Variants in SLC35F3 observed in about 807,000 individuals in gnomAD.
The protein encoded by SLC35F3 is solute carrier family 35 member F3.
Under a neutral mutation model 49.9 loss-of-function variants are expected in SLC35F3, and 25 were observed. That is an observed-to-expected ratio of 0.50 (90% CI 0.37 to 0.70). SLC35F3 has a LOEUF of 0.70. Ranked by LOEUF, SLC35F3 falls within the 30% of genes least tolerant of loss-of-function variation. The probability of loss-of-function intolerance (pLI) is 0.00; values close to 1 mark genes in which losing one functional copy is unlikely to be tolerated. For missense variants in SLC35F3, 525 were observed against 639.8 expected, an observed-to-expected ratio of 0.82 and a Z score of 1.94; for synonymous variants, 275 against 265.4, an observed-to-expected ratio of 1.04 and a Z score of -0.35.
At chr1:234,254,373 A>G (rs1314390553) in intron 3 of SLC35F3, among the ~76,000 whole-genome samples, 1 of 152,228 alleles carries the variant, frequency 6.6e-6, no homozygotes, top group Non-Finnish European at 1.5e-5. Flanking sequence ...TCTTCTTTCC[A>G]GAGGTCACCA....
At chr1:233,913,352 C>T (rs947800059) in intron 2 of SLC35F3, among the ~76,000 whole-genome samples, 1 of 152,206 alleles carries the variant, frequency 6.6e-6, no homozygotes, top group African/African-American at 2.4e-5. Flanking sequence ...CTTCCTCATC[C>T]AGGTCCCAGC....
intron 2 of SLC35F3, among the ~76,000 whole-genome samples, chr1:233,958,495 A>G (rs570706931): frequency 1.3e-5 from 2 of 152,360 alleles, no homozygotes; most frequent in South Asian, 4.1e-4. Context: ...GGTGATCACC[A>G]TAAGGATTTT....
chr1:234,106,292 T>C (rs1299886150), intron 2 of SLC35F3, among the ~76,000 whole-genome samples: 2 of 152,220 alleles, frequency 1.3e-5, no homozygotes, highest in East Asian at 3.8e-4. Context: ...CTGGGAAGGA[T>C]TTCTTCCATG....
intron 2 of SLC35F3, among the ~76,000 whole-genome samples, chr1:234,076,293 A>G (rs1348458387): frequency 6.6e-6 from 1 of 150,694 alleles, no homozygotes; most frequent in African/African-American, 2.4e-5. Flanking sequence ...CCCAGAAAGC[A>G]TATTTTAAAA....
chr1:233,920,737 C>G (rs370785426), intron 2 of SLC35F3, among the ~76,000 whole-genome samples: 1 of 152,210 alleles, frequency 6.6e-6, no homozygotes, highest in Admixed American at 6.5e-5. Flanking sequence ...CAGAACTTCT[C>G]TCACCCTCTT....
intron 3 of SLC35F3, among the ~76,000 whole-genome samples, chr1:234,275,665 A>G (rs1042457976): frequency 5.3e-5 from 8 of 151,934 alleles, no homozygotes; most frequent in Admixed American, 6.6e-5. Flanking sequence ...CACATCACTC[A>G]GGTCCTGACC....
intron 3 of SLC35F3, among the ~76,000 whole-genome samples, chr1:234,287,332 T>C (rs75230835): frequency 0.049 from 7,457 of 152,298 alleles, 237 homozygotes; most frequent in South Asian, 0.084. Flanking sequence ...ATATGAGACA[T>C]AAACATTCAT....
chr1:234,115,522 C>A (rs1665472483), intron 2 of SLC35F3, among the ~76,000 whole-genome samples: 4 of 152,176 alleles, frequency 2.6e-5, no homozygotes, highest in Admixed American at 2.6e-4. Context: ...CTCTTGGAAT[C>A]CAAATGCTTA....
intron 2 of SLC35F3, among the ~76,000 whole-genome samples, chr1:234,206,505 G>A (rs1030174782): frequency 7.5e-6 from 1 of 132,482 alleles, no homozygotes; most frequent in Admixed American, 7.6e-5. Context: ...TCCCGGGGGG[G>A]GGCTATTTCC....
At chr1:234,066,709 GTCTC>G (rs941919077) in intron 2 of SLC35F3, among the ~76,000 whole-genome samples, 3 of 150,776 alleles carry the variant, frequency 2.0e-5, no homozygotes, top group Non-Finnish European at 4.4e-5. Context: ...CTCTCTCTCT[GTCTC>G]TCTCTCTCTT....
At chr1:234,322,650 CGTGT>C (rs55827503) in intron 7 of SLC35F3, among the ~76,000 whole-genome samples, 44,717 of 144,652 alleles carry the variant, frequency 0.31, 6,805 homozygotes, top group East Asian at 0.41. Flanking sequence ...GGGTCAAATG[CGTGT>C]GTGTGTGTGT....
intron 2 of SLC35F3, among the ~76,000 whole-genome samples, chr1:234,199,038 G>C (rs562097565): frequency 6.9e-6 from 1 of 144,082 alleles, no homozygotes; most frequent in Non-Finnish European, 1.5e-5. Context: ...GGGCAACATA[G>C]TGAGTCCTTA....
intron 4 of SLC35F3, among the ~76,000 whole-genome samples, chr1:234,311,265 G>A (rs141946351): frequency 2.2e-3 from 331 of 152,328 alleles, no homozygotes; most frequent in Middle Eastern, 0.017. Context: ...ATGAGACACT[G>A]CCATGTGCCA....
chr1:233,962,796 T>G (rs1662826217), intron 2 of SLC35F3, among the ~76,000 whole-genome samples: 1 of 152,240 alleles, frequency 6.6e-6, no homozygotes, highest in South Asian at 2.1e-4. Context: ...TCTCAAAACC[T>G]CTACAGTGCA....
chr1:233,910,999 T>A (rs1661865462), intron 2 of SLC35F3, among the ~76,000 whole-genome samples: 1 of 152,034 alleles, frequency 6.6e-6, no homozygotes, highest in Non-Finnish European at 1.5e-5. Flanking sequence ...CTTATCTGGG[T>A]GGAGGTTTTC....
chr1:234,097,305 T>C (rs1665139443), intron 2 of SLC35F3, among the ~76,000 whole-genome samples: 1 of 152,124 alleles, frequency 6.6e-6, no homozygotes, highest in African/African-American at 2.4e-5. Flanking sequence ...AATTCATCCA[T>C]GTAACCAAAA....
chr1:234,084,996 A>G (rs1664940435), intron 2 of SLC35F3, among the ~76,000 whole-genome samples: 1 of 152,250 alleles, frequency 6.6e-6, no homozygotes. Flanking sequence ...ACATGGATGA[A>G]TCCTGAAAGC....
chr1:233,941,650 C>T lies in SLC35F3; in HGVS notation c.283+35892C>T, dbSNP rs372679652. Reference sequence around the variant, plus strand: ...CACACAAATGATTGTCATAACTCCCCGATGATCAGGGAACTCTGTACCTAA... The same window carrying T: ...CACACAAATGATTGTCATAACTCCCTGATGATCAGGGAACTCTGTACCTAA... On this transcript the variant is annotated intron_variant, in intron 2 of 7. Coordinates refer to ENST00000366618, the MANE Select transcript of SLC35F3 (RefSeq NM_173508.4). Among the ~76,000 whole-genome samples the T allele has an allele frequency of 6.2e-4, 95 of 152,254 alleles. 2 individuals are homozygous for T. The highest frequency in any genetic ancestry group is 2.2e-3 in the African/African-American group (90 of 41,550).
chr1:233,976,577 A>G (rs1051309535), intron 2 of SLC35F3, among the ~76,000 whole-genome samples: 1 of 152,134 alleles, frequency 6.6e-6, no homozygotes, highest in African/African-American at 2.4e-5. Context: ...CAAAATCTGT[A>G]ATGTTGTGCA....
Sources: allele counts gnomAD v4.1 joint callset (sites outside exome capture counted in the v4.1 genomes callset), GRCh38; gene constraint gnomAD v4.1.1; transcripts MANE v1.5; gene names NCBI Gene and HGNC (gene_info 2026-07-23, HGNC 2026-07-21).